Variants in LRRC4C observed in about 807,000 individuals in gnomAD.
The protein encoded by LRRC4C is leucine-rich repeat-containing protein 4C.
In LRRC4C, 5 loss-of-function variants were observed where a neutral mutation model predicts 33.6. That is an observed-to-expected ratio of 0.15 (90% CI 0.08 to 0.31). The LOEUF (loss-of-function observed/expected upper bound fraction) is 0.31. Ranked by LOEUF, LRRC4C falls within the 10% of genes least tolerant of loss-of-function variation. The pLI is 1.00. For missense variants in LRRC4C, 560 were observed against 796.7 expected, an observed-to-expected ratio of 0.70 and a Z score of 3.58; for synonymous variants, 329 against 302.0, an observed-to-expected ratio of 1.09 and a Z score of -0.93.
intron 3 of LRRC4C, among the ~76,000 whole-genome samples, chr11:40,451,049 A>C (rs1047062295): frequency 6.6e-6 from 1 of 151,832 alleles, no homozygotes; most frequent in Non-Finnish European, 1.5e-5. Flanking sequence ...CTCTCTCTAT[A>C]TATATGCATA....
intron 3 of LRRC4C, among the ~76,000 whole-genome samples, chr11:40,399,665 CTAAAACT>C (rs981358924): frequency 4.0e-5 from 6 of 151,840 alleles, no homozygotes; most frequent in Admixed American, 3.3e-4. Context: ...CACCTGTACC[CTAAAACT>C]TAAAGTATAA....
intron 1 of LRRC4C, among the ~76,000 whole-genome samples, chr11:41,384,928 A>G (rs1293410122): frequency 6.7e-6 from 1 of 150,162 alleles, no homozygotes; most frequent in African/African-American, 2.4e-5. Flanking sequence ...TATACCATTT[A>G]CAAATGATTT....
intron 1 of LRRC4C, among the ~76,000 whole-genome samples, chr11:41,367,077 G>A (rs768393224): frequency 1.3e-5 from 2 of 152,132 alleles, no homozygotes; most frequent in African/African-American, 2.4e-5. Flanking sequence ...TCACTGCAGT[G>A]CTTTATGACT....
chr11:40,565,972 G>GAAGA (rs1317766355), intron 3 of LRRC4C, among the ~76,000 whole-genome samples: 2 of 151,608 alleles, frequency 1.3e-5, no homozygotes, highest in Admixed American at 1.3e-4. Context: ...TCACACACTA[G>GAAGA]AAACACTTGT....
intron 1 of LRRC4C, among the ~76,000 whole-genome samples, chr11:41,421,004 T>C (rs1954855710): frequency 6.6e-6 from 1 of 152,052 alleles, no homozygotes; most frequent in African/African-American, 2.4e-5. Flanking sequence ...AATGATATTC[T>C]GGAATTAATA....
intron 3 of LRRC4C, among the ~76,000 whole-genome samples, chr11:40,370,366 T>C (rs955751123): frequency 2.0e-5 from 3 of 152,202 alleles, no homozygotes. Flanking sequence ...GAGGTTCTTT[T>C]CATCCTCAGT....
chr11:41,259,432 T>C (rs1948905289), intron 1 of LRRC4C, among the ~76,000 whole-genome samples: 1 of 152,080 alleles, frequency 6.6e-6, no homozygotes, highest in African/African-American at 2.4e-5. Flanking sequence ...TAATTTATTC[T>C]TGTCTCTAAG....
chr11:41,140,578 G>A (rs1220981734), intron 1 of LRRC4C, among the ~76,000 whole-genome samples: 2 of 152,122 alleles, frequency 1.3e-5, no homozygotes, highest in Non-Finnish European at 2.9e-5. Flanking sequence ...CCCATTGCAG[G>A]GTAAAACGTT....
chr11:41,145,915 A>C (rs1363679586), intron 1 of LRRC4C, among the ~76,000 whole-genome samples: 1 of 152,178 alleles, frequency 6.6e-6, no homozygotes. Flanking sequence ...TTATCCTTCA[A>C]GGCTAAAATC....
At chr11:40,593,770 A>G (rs1023784213) in intron 3 of LRRC4C, among the ~76,000 whole-genome samples, 10 of 152,242 alleles carry the variant, frequency 6.6e-5, no homozygotes, top group Admixed American at 2.6e-4. Flanking sequence ...CCTCTCCTGC[A>G]TAATAAGATT....
chr11:40,422,251 T>C (rs1009413731), intron 3 of LRRC4C, among the ~76,000 whole-genome samples: 1 of 152,178 alleles, frequency 6.6e-6, no homozygotes, highest in Non-Finnish European at 1.5e-5. Flanking sequence ...GGGGTGCTTC[T>C]TGTCCCCTAC....
chr11:40,948,987 G>A (rs1476883116), intron 1 of LRRC4C, among the ~76,000 whole-genome samples: 2 of 151,942 alleles, frequency 1.3e-5, no homozygotes, highest in Non-Finnish European at 2.9e-5. Flanking sequence ...CCCACCAACA[G>A]TGTAAGAGTG....
At chr11:40,633,188 T>C (rs563491715) in intron 3 of LRRC4C, among the ~76,000 whole-genome samples, 12 of 152,132 alleles carry the variant, frequency 7.9e-5, no homozygotes, top group Non-Finnish European at 1.6e-4. Context: ...AGAGAAGTCA[T>C]CTTTGTTCAC....
intron 3 of LRRC4C, among the ~76,000 whole-genome samples, chr11:40,582,102 A>G (rs922241848): frequency 3.9e-5 from 6 of 152,154 alleles, no homozygotes; most frequent in African/African-American, 1.4e-4. Context: ...ATTTATGTGT[A>G]TTGTTAAGTT....
chr11:41,304,824 G>C (rs868147993), intron 1 of LRRC4C, among the ~76,000 whole-genome samples: 1 of 71,426 alleles, frequency 1.4e-5, no homozygotes, highest in Non-Finnish European at 2.7e-5. Context: ...AGGTGGGGGG[G>C]TCAGCCCCCC....
chr11:40,775,593 C>T (rs1276821971), intron 2 of LRRC4C, among the ~76,000 whole-genome samples: 2 of 152,100 alleles, frequency 1.3e-5, no homozygotes, highest in Admixed American at 6.6e-5. Flanking sequence ...ATTATTGATG[C>T]ATGGAGATGC....
At position 41,161,841 on chromosome 11, in the gene LRRC4C, C is replaced by A. The variant is rs117550593; in HGVS notation, c.-495-228118G>T. 4.5e-4 allele frequency among the ~76,000 whole-genome samples: 68 copies of A among 152,326 alleles called. 1 individual carries two copies. The East Asian group carries it at 0.011, about 26-fold the overall frequency. ...AAGTTGTCTAACTCACTCAACCCAA[C>A]AGGACTACCTGAGTTCTAGAGAGGT... is the stretch of plus-strand genomic sequence containing the variant. On this transcript the variant is annotated intron_variant, in intron 1 of 6. Coordinates refer to ENST00000528697, the MANE Select transcript of LRRC4C (RefSeq NM_001258419.2).
At chr11:40,595,336 G>A (rs1353044220) in intron 3 of LRRC4C, among the ~76,000 whole-genome samples, 2 of 151,882 alleles carry the variant, frequency 1.3e-5, no homozygotes, top group African/African-American at 2.4e-5. Context: ...AAATATTATC[G>A]AAGTACTGAA....
At chr11:40,354,159 C>G (rs1331045681) in intron 3 of LRRC4C, among the ~76,000 whole-genome samples, 1 of 152,118 alleles carries the variant, frequency 6.6e-6, no homozygotes, top group African/African-American at 2.4e-5. Context: ...ATGAGAATTC[C>G]CTGAATTATG....
Sources: gnomAD v4.1 joint callset for allele counts (sites outside exome capture counted in the v4.1 genomes callset) on GRCh38, gnomAD v4.1.1 for gene constraint, MANE v1.5 for transcripts, NCBI Gene and HGNC (gene_info 2026-07-23, HGNC 2026-07-21) for gene names.